The following KIF19 variants were observed in gnomAD, a reference collection of about 807,000 sequenced individuals.
KIF19 encodes kinesin-like protein KIF19.
KIF19 carries 98 observed loss-of-function variants against 106.6 expected under a neutral mutation model. The observed-to-expected ratio is 0.92, with a 90% CI of 0.78 to 1.09. The LOEUF (loss-of-function observed/expected upper bound fraction) is 1.09. KIF19 is among the 50% of genes least tolerant of loss of function. KIF19 has a pLI of 0.00. For missense variants in KIF19, 1,373 were observed against 1,414.3 expected (o/e 0.97, Z 0.47); for synonymous variants, 516 against 584.2 (o/e 0.88, Z 1.68).
intron 2 of KIF19, among the ~76,000 whole-genome samples, chr17:74,340,206 C>T (rs894176396): frequency 3.9e-5 from 6 of 152,156 alleles, no homozygotes; most frequent in African/African-American, 1.4e-4. Context: ...CCCTGATTCT[C>T]CTTTGCTGCC....
Position 74,346,894 on chromosome 17 carries a change from C to T in KIF19, c.924+370C>T, listed in dbSNP as rs1005070549. Among the ~76,000 whole-genome samples, 1 of 152,096 alleles carries T rather than the reference C, an allele frequency of 6.6e-6. No homozygotes were observed. The highest frequency in any genetic ancestry group is 1.5e-5 in the Non-Finnish European group (1 of 68,000). On this transcript the variant is annotated intron_variant, in intron 8 of 19. Transcript: ENST00000389916. This position sits in a 1 kb window ranked among gnomAD's most constrained non-coding sequence, Gnocchi z 4.6. ...CCACAGGTCAGCTGTTTGGGGGTGG[C>T]CTCCTTTGTGCAGGGGTGTCCTTGG...
At chr17:74,339,793 G>A (rs1417449508) in intron 2 of KIF19, among the ~76,000 whole-genome samples, 5 of 152,224 alleles carry the variant, frequency 3.3e-5, no homozygotes. Context: ...GCCTCTCAGG[G>A]GGCACCTCCG....
intron 2 of KIF19, 175 bp downstream of exon 2, chr17:74,328,680 A>G (rs2053986183): frequency 1.7e-6 from 1 of 577,930 alleles, no homozygotes; most frequent in Non-Finnish European, 3.1e-6. Flanking sequence ...CTCTTCTTCC[A>G]GGAAGCCTTC....
chr17:74,330,531 G>A (rs577025459), intron 2 of KIF19, among the ~76,000 whole-genome samples: 1 of 152,310 alleles, frequency 6.6e-6, no homozygotes, highest in Admixed American at 6.5e-5. Context: ...TTGTCCCGAA[G>A]ACATCAGGTC....
At chr17:74,332,206 G>GTT (rs2054107898) in intron 2 of KIF19, among the ~76,000 whole-genome samples, 6 of 48,300 alleles carry the variant, frequency 1.2e-4, no homozygotes, top group African/African-American at 4.8e-4. Context: ...GTGTGTGTGT[G>GTT]TGTTTGTGTG....
chr17:74,350,817 C>T lies in KIF19; in HGVS notation c.1499C>T (p.Pro500Leu). The T allele has an allele frequency of 6.2e-7, 1 of 1,614,026 alleles. No homozygotes were observed. Among genetic ancestry groups the T allele is most frequent in the African/African-American group, 1.3e-5 (1 of 75,064 alleles). Residue 500 changes from proline (P) to leucine (L), a missense_variant, in exon 12 of 20, where the codon CCA becomes CTA. Around this residue, in one of 3 missense-constraint regions of KIF19, gnomAD observed 1,020 missense variants for 1,008.2 expected, o/e 1.01. Transcript: ENST00000389916. ...GACTCAGACACAGGTGATGACCAAC[C>T]AGACATCCTGGAGCCACCCGAGGTG... Reference protein sequence around the residue: ...EKDSDTGDDQPDILEPPEVAA... With the variant: ...EKDSDTGDDQLDILEPPEVAA...
At chr17:74,354,125 T>G (rs772356060) in intron 17 of KIF19, 37 bp from the exon 18 acceptor site, 14 of 1,568,996 alleles carry the variant, frequency 8.9e-6, no homozygotes, top group Non-Finnish European at 1.1e-5. Context: ...GAGGTGGCCT[T>G]GATCTCGGGT....
chr17:74,339,242 G>A (rs760253153), intron 2 of KIF19, among the ~76,000 whole-genome samples: 1 of 151,882 alleles, frequency 6.6e-6, no homozygotes, highest in African/African-American at 2.4e-5. Context: ...GTGAGAGGCA[G>A]TTTAGAAGGG....
chr17:74,350,703 G>A lies in KIF19; in HGVS notation c.1389-4G>A, dbSNP rs773003053. 13 of 1,613,484 alleles carry A rather than the reference G, an allele frequency of 8.1e-6. No homozygotes were observed. The highest frequency in any genetic ancestry group is 1.1e-5 in the Non-Finnish European group (13 of 1,179,870). Reference sequence around the variant, plus strand: ...CCCTGTCTCTCTGGGTGGGGCTGCGGCAGCTGGAAGCATGAGAAGTCCCGC... The same window carrying A: ...CCCTGTCTCTCTGGGTGGGGCTGCGACAGCTGGAAGCATGAGAAGTCCCGC... On this transcript the variant is annotated splice_region_variant and splice_polypyrimidine_tract_variant and intron_variant, in intron 11 of 19. Coordinates refer to ENST00000389916, the MANE Select transcript of KIF19 (RefSeq NM_153209.4).
At position 74,355,404 on chromosome 17, in the gene KIF19, C is replaced by T. The variant is rs2054855708; in HGVS notation, c.*92C>T. Reference sequence around the variant, plus strand: ...GTGGAGGCTGGGCAGATGGAGATGACCAGGAAGTAAGCTCAGGATCTCAGC... The same window carrying T: ...GTGGAGGCTGGGCAGATGGAGATGATCAGGAAGTAAGCTCAGGATCTCAGC... On this transcript the variant is annotated 3_prime_UTR_variant, in exon 20 of 20. Coordinates refer to ENST00000389916, the MANE Select transcript of KIF19 (RefSeq NM_153209.4). 2.1e-6 allele frequency: 3 copies of T among 1,415,000 alleles called. No homozygotes were observed. 87.7% of individuals were successfully genotyped at this position (1,415,000 alleles called of 1,614,324 possible). A position where few individuals can be genotyped will look rare whatever the true frequency, so the allele number is the denominator to read the frequency against.
intron 8 of KIF19, among the ~76,000 whole-genome samples, chr17:74,347,277 CT>C (rs928417168): frequency 3.9e-5 from 6 of 152,198 alleles, no homozygotes; most frequent in African/African-American, 7.2e-5. Flanking sequence ...TGGCTCACGC[CT>C]GGAATCCCAG....
rs779898771 is a variant in KIF19 at position 74,342,671 on chromosome 17, C to T, written c.273C>T (p.Gly91=). ...YQATTKSLIE[G]VISGYNATVF... is the part of the protein sequence containing the mutation. ...CCACCACCAAGAGCCTCATCGAGGG[C>T]GTCATCTCAGGCTACAATGCCACTG... The change falls in exon 4 of 20, where the codon GGC becomes GGT. Residue 91 remains glycine, a synonymous_variant. Transcript: ENST00000389916. 17 of 1,613,584 alleles carry T rather than the reference C, an allele frequency of 1.1e-5. No individual in the cohort carries two copies. The highest frequency in any genetic ancestry group is 1.3e-5 in the African/African-American group (1 of 74,900).
At position 74,352,802 on chromosome 17, in the gene KIF19, C is replaced by A. The variant is rs1395611708; in HGVS notation, c.1981-19C>A. The A allele has an allele frequency of 6.2e-7, 1 of 1,613,742 alleles. No individual in the cohort carries two copies. Among genetic ancestry groups the A allele is most frequent in the African/African-American group, 1.3e-5 (1 of 74,932 alleles). On this transcript the variant is annotated intron_variant, in intron 14 of 19. Coordinates refer to ENST00000389916, the MANE Select transcript of KIF19 (RefSeq NM_153209.4). ...GGACCAAATCTTCTAACTGTCCACC[C>A]TGGCTCCCTCCTCCCCAGGACAGCT... is the stretch of plus-strand genomic sequence containing the variant.
Position 74,352,347 on chromosome 17 carries a change from G to A in KIF19, c.1980+7G>A. ...GGCCTCCAGGGCCCTGCAGGTGGGTGGGCGCCTGGGCGGCCTGAACATGGG... is the reference window on the plus strand; with the variant it reads ...GGCCTCCAGGGCCCTGCAGGTGGGTAGGCGCCTGGGCGGCCTGAACATGGG... On this transcript the variant is annotated splice_region_variant and intron_variant, in intron 14 of 19. Coordinates refer to ENST00000389916, the MANE Select transcript of KIF19 (RefSeq NM_153209.4). 1 of 1,600,822 alleles carries A rather than the reference G, an allele frequency of 6.2e-7. No homozygotes were observed. The highest frequency in any genetic ancestry group is 8.5e-7 in the Non-Finnish European group (1 of 1,174,964).
At chr17:74,352,173 CG>C (rs141584987) in intron 13 of KIF19, 36 bp downstream of exon 13, 61 of 1,587,886 alleles carry the variant, frequency 3.8e-5, no homozygotes, top group Non-Finnish European at 5.0e-5. Context: ...GAGCCACCCG[CG>C]GGGGGGCCGC....
Position 74,326,238 on chromosome 17 carries a change from A to G in KIF19, c.-112A>G. On this transcript the variant is annotated 5_prime_UTR_variant, in exon 1 of 20. Transcript: ENST00000389916. The stretch of plus-strand genomic sequence containing the variant: ...CGTTGTTGGTTTCGGGTTGTCAGGC[A>G]GCGCGCGAGGCGGCGGGCAGCTAGC... 22 of 987,072 alleles carry G rather than the reference A, an allele frequency of 2.2e-5. No homozygotes were observed. Among genetic ancestry groups the G allele is most frequent in the Non-Finnish European group, 3.0e-5 (21 of 689,434 alleles). The allele number at this position is 987,072 out of a possible 1,614,324, so 61.1% of individuals were successfully genotyped here.
intron 18 of KIF19, 77 bp downstream of exon 18, chr17:74,354,636 G>C (rs2054824963): frequency 1.3e-6 from 2 of 1,539,848 alleles, no homozygotes; most frequent in African/African-American, 1.4e-5. Flanking sequence ...TTCTCCAAAG[G>C]CTCCAGGGCA....
intron 17 of KIF19, 25 bp from the exon 18 acceptor site, chr17:74,354,137 G>T (rs1463440433): frequency 1.7e-5 from 27 of 1,583,166 alleles, no homozygotes; most frequent in Non-Finnish European, 2.2e-5. Context: ...ATCTCGGGTT[G>T]TATGTTCCCC....
In KIF19 at chr17:74,352,823, C is replaced by G. The variant is rs368531724; in HGVS notation, c.1983C>G (p.Asp661Glu). Residue 661 changes from aspartate to glutamate, a missense_variant and splice_region_variant, in exon 15 of 20, where the codon GAC becomes GAG. Asp to Glu is a conservative substitution (Grantham distance 45). This residue lies in a region of KIF19 where 1,020 missense variants were observed against 1,008.2 expected (regional missense o/e 1.01). Coordinates refer to ENST00000389916, the MANE Select transcript of KIF19 (RefSeq NM_153209.4). ...MDQVASRALQ[D>E]SSLPKITPAG... ...CACCCTGGCTCCCTCCTCCCCAGGA[C>G]AGCTCCTTGCCCAAAATTACCCCAG... The G allele has an allele frequency of 8.1e-6, 13 of 1,613,890 alleles. No individual in the cohort carries two copies. The highest frequency in any genetic ancestry group is 5.3e-5 in the African/African-American group (4 of 74,936).
Sources: allele counts gnomAD v4.1 joint callset (sites outside exome capture counted in the v4.1 genomes callset), GRCh38; gene constraint gnomAD v4.1.1; regional missense constraint gnomAD v4.1.1; non-coding constraint Gnocchi (gnomAD v3.1); transcripts MANE v1.5; gene names NCBI Gene and HGNC (gene_info 2026-07-23, HGNC 2026-07-21).